HNRNPUL2: variants seen among roughly 807,000 people sequenced by gnomAD.
HNRNPUL2 encodes heterogeneous nuclear ribonucleoprotein U like 2.
Under a neutral mutation model 102.2 loss-of-function variants are expected in HNRNPUL2, and 27 were observed. The observed-to-expected ratio is 0.26, with a 90% CI of 0.19 to 0.36. The LOEUF (loss-of-function observed/expected upper bound fraction) is 0.36. Ranked by LOEUF, HNRNPUL2 falls within the 10% of genes least tolerant of loss-of-function variation. The pLI, the probability that HNRNPUL2 is intolerant of heterozygous loss-of-function variation, is 1.00. For synonymous variants in HNRNPUL2, 458 were observed against 387.2 expected (o/e 1.18, Z -2.15); for missense variants, 936 against 981.1 (o/e 0.95, Z 0.61).
Position 62,722,332 on chromosome 11 carries a change from C to CT in HNRNPUL2, c.1143dup (p.Asp382ArgfsTer56). 6.2e-7 allele frequency: 1 copy of CT among 1,613,942 alleles called. No individual in the cohort carries two copies. Among genetic ancestry groups the CT allele is most frequent in the Non-Finnish European group, 8.5e-7 (1 of 1,179,818 alleles). Reference sequence around the variant, plus strand: ...CTGATCCAGAATGCCACACCTAGGTCTTCTCCATTCTTGGAGAAGGAAAGT... The same window carrying CT: ...CTGATCCAGAATGCCACACCTAGGTCTTTCTCCATTCTTGGAGAAGGAAAGT... On this transcript the variant is annotated frameshift_variant, in exon 7 of 14. Transcript: ENST00000301785. LOFTEE classifies it high-confidence loss of function.
chr11:62,714,142 C>G lies in HNRNPUL2; in HGVS notation c.*1157G>C, dbSNP rs1272586835. The G allele has an allele frequency of 2.7e-5, 4 of 147,372 alleles. No homozygotes were observed. Among genetic ancestry groups the G allele is most frequent in the South Asian group, 2.3e-4 (1 of 4,384 alleles). The allele number at this position is 147,372 out of a possible 1,614,324, so 9.1% of individuals were successfully genotyped here. On this transcript the variant is annotated 3_prime_UTR_variant, in exon 14 of 14. Coordinates refer to ENST00000301785, the MANE Select transcript of HNRNPUL2 (RefSeq NM_001079559.3). ...GCCCCACTGAGCTGCCTCCCACCCC[C>G]CCCCACCACCCTCCCCTCTTCTATT...
intron 11 of HNRNPUL2, among the ~76,000 whole-genome samples, 155 bp downstream of exon 11, chr11:62,716,834 G>A (rs1448533971): frequency 6.6e-6 from 1 of 152,190 alleles, no homozygotes; most frequent in Admixed American, 6.5e-5. Flanking sequence ...AAAAGGCAGG[G>A]ATAAAGAACA....
In HNRNPUL2 at chr11:62,713,105, G is replaced by A. The variant is rs894359770; in HGVS notation, c.*2194C>T. Reference sequence around the variant, plus strand: ...CCTAGAAAAACAGTTTTGTAAAAAAGATTACTTTCTAGTGTCAAATATCAA... The same window carrying A: ...CCTAGAAAAACAGTTTTGTAAAAAAAATTACTTTCTAGTGTCAAATATCAA... On this transcript the variant is annotated 3_prime_UTR_variant, in exon 14 of 14. Coordinates refer to ENST00000301785, the MANE Select transcript of HNRNPUL2 (RefSeq NM_001079559.3). The A allele has an allele frequency of 6.6e-6, 1 of 152,144 alleles. No individual in the cohort carries two copies. Among genetic ancestry groups the A allele is most frequent in the Admixed American group, 6.5e-5 (1 of 15,270 alleles). The allele number at this position is 152,144 out of a possible 1,614,324, so 9.4% of individuals were successfully genotyped here.
Position 62,720,101 on chromosome 11 carries a change from C to T in HNRNPUL2, c.1702G>A (p.Asp568Asn). The T allele has an allele frequency of 6.2e-7, 1 of 1,614,234 alleles. No individual in the cohort carries two copies. The change falls in exon 10 of 14, where the codon GAT becomes AAT. Residue 568 changes from aspartate to asparagine, a missense_variant. Transcript: ENST00000301785. ...KVVVVVPNEE[D>N]WKKRLELRKE... Reference sequence around the variant, plus strand: ...CTCAACTCCAGCCTCTTCTTCCAATCTTCCTCATTAGGGACAACCACCACC... The same window carrying T: ...CTCAACTCCAGCCTCTTCTTCCAATTTTCCTCATTAGGGACAACCACCACC...
At chr11:62,718,140 T>C (rs1215593103) in intron 10 of HNRNPUL2, among the ~76,000 whole-genome samples, 2 of 151,936 alleles carry the variant, frequency 1.3e-5, no homozygotes, top group South Asian at 2.1e-4. Flanking sequence ...GGATTATCAG[T>C]ATTTGAAGAG....
intron 9 of HNRNPUL2, among the ~76,000 whole-genome samples, chr11:62,720,546 C>CAAAAAAAA (rs148876571): frequency 7.6e-6 from 1 of 131,518 alleles, no homozygotes; most frequent in Non-Finnish European, 1.6e-5. Flanking sequence ...GATTCCATCT[C>CAAAAAAAA]AAAAAAAAAA....
intron 11 of HNRNPUL2, among the ~76,000 whole-genome samples, chr11:62,716,679 G>A (rs1243219861): frequency 6.6e-6 from 1 of 152,158 alleles, no homozygotes; most frequent in East Asian, 1.9e-4. Flanking sequence ...GTGACACTGG[G>A]AACCCATATG....
rs1296784399 is a variant in HNRNPUL2, at chr11:62,723,698, G to A, written c.780C>T (p.Ser260=). 6 of 1,614,156 alleles carry A rather than the reference G, an allele frequency of 3.7e-6. No individual in the cohort carries two copies. Among genetic ancestry groups the A allele is most frequent in the Non-Finnish European group, 5.1e-6 (6 of 1,180,026 alleles). The change falls in exon 4 of 14, where the codon AGC becomes AGT. Residue 260 remains serine (S), a synonymous_variant. Transcript: ENST00000301785. ...GTGGCTGCCCTCCATAGCGGTCTTT[G>A]CTCACTTGAAAATGCAGATCCGAGG... The part of the protein sequence containing the change: ...TYTSDLHFQV[S]KDRYGGQPLF...
In HNRNPUL2 at chr11:62,724,276, G is replaced by T. The variant is rs755173581; in HGVS notation, c.674+15C>A. On this transcript the variant is annotated intron_variant, in intron 2 of 13. Coordinates refer to ENST00000301785, the MANE Select transcript of HNRNPUL2 (RefSeq NM_001079559.3). ...AGCAGACACTCCCTTCAACGAAAGG[G>T]ACTGTTTCCCTCACCGGCTGTGGTA... 6.2e-7 allele frequency: 1 copy of T among 1,613,950 alleles called. No homozygotes were observed. The highest frequency in any genetic ancestry group is 1.3e-5 in the African/African-American group (1 of 75,002).
At position 62,727,230 on chromosome 11, in the gene HNRNPUL2, G is replaced by GCCGCCGCCGCCGCCCGCCT; in HGVS notation, c.-93_-75dup. ...GTCGACCGAGTCCGACCGCGCAGGCGCCGCCGCCGCCGCCCGCCTCCGCCT... is the reference window on the plus strand; with the variant it reads ...GTCGACCGAGTCCGACCGCGCAGGCGCCGCCGCCGCCGCCCGCCTCCGCCGCCGCCGCCCGCCTCCGCCT... On this transcript the variant is annotated 5_prime_UTR_variant, in exon 1 of 14. Transcript: ENST00000301785. 7.9e-7 allele frequency: 1 copy of GCCGCCGCCGCCGCCCGCCT among 1,268,700 alleles called. No individual in the cohort carries two copies. The highest frequency in any genetic ancestry group is 1.0e-6 in the Non-Finnish European group (1 of 1,005,000). 78.6% of individuals were successfully genotyped at this position (1,268,700 alleles called of 1,614,324 possible). A position where few individuals can be genotyped will look rare whatever the true frequency, so the allele number is the denominator to read the frequency against.
rs562233352 is a variant in HNRNPUL2 at position 62,715,097 on chromosome 11, TAA to T, written c.*200_*201del. 7 of 552,994 alleles carry T rather than the reference TAA, an allele frequency of 1.3e-5. No homozygotes were observed. The highest frequency in any genetic ancestry group is 2.3e-5 in the Non-Finnish European group (7 of 310,568). The allele number at this position is 552,994 out of a possible 1,614,324, so 34.3% of individuals were successfully genotyped here. On this transcript the variant is annotated 3_prime_UTR_variant, in exon 14 of 14. Transcript: ENST00000301785. ...AGACAATATTCTTTTCAACAAACTT[TAA>T]AAAAAATGTACAGTTTTGTTGTTTG...
In HNRNPUL2 at chr11:62,726,905, C is replaced by G. The variant is rs747143789; in HGVS notation, c.252G>C (p.Glu84Asp). ...DEEEDEEEEEEDEEALLEDED... is the reference protein window; with the variant it reads ...DEEEDEEEEEDDEEALLEDED... ...CGTCCTCAAGCAGCGCCTCCTCGTC[C>G]TCCTCCTCCTCCTCTTCGTCCTCCT... Residue 84 changes from glutamate (E) to aspartate (D), a missense_variant, in exon 1 of 14, where the codon GAG (glutamate) becomes GAC (aspartate). Around this residue, in one of 2 missense-constraint regions of HNRNPUL2, gnomAD observed 327 missense variants for 268.1 expected, o/e 1.22. Coordinates refer to ENST00000301785, the MANE Select transcript of HNRNPUL2 (RefSeq NM_001079559.3). 2.0e-6 allele frequency: 3 copies of G among 1,507,326 alleles called. No individual in the cohort carries two copies. The highest frequency in any genetic ancestry group is 1.4e-5 in the African/African-American group (1 of 70,156). 93.4% of individuals were successfully genotyped at this position (1,507,326 alleles called of 1,614,324 possible). A position where few individuals can be genotyped will look rare whatever the true frequency, so the allele number is the denominator to read the frequency against.
intron 9 of HNRNPUL2, 22 bp downstream of exon 9, chr11:62,721,273 G>C (rs748962669): frequency 1.3e-6 from 2 of 1,593,264 alleles, no homozygotes; most frequent in Admixed American, 1.8e-5. Context: ...CTTGACTCTA[G>C]GCAATTTTAT....
At chr11:62,723,795 A>G in intron 3 of HNRNPUL2, 69 bp from the exon 4 acceptor site, 3 of 1,607,086 alleles carry the variant, frequency 1.9e-6, no homozygotes, top group Non-Finnish European at 2.6e-6. Flanking sequence ...GAGCATAAGT[A>G]TACCAGTTGT....
In HNRNPUL2 at chr11:62,715,233, T is replaced by C. The variant is rs1590893954; in HGVS notation, c.*66A>G. The C allele has an allele frequency of 1.7e-6, 2 of 1,178,736 alleles. No individual in the cohort carries two copies. The highest frequency in any genetic ancestry group is 6.8e-5 in the East Asian group (2 of 29,330). 73.0% of individuals were successfully genotyped at this position (1,178,736 alleles called of 1,614,324 possible). On this transcript the variant is annotated 3_prime_UTR_variant, in exon 14 of 14. Coordinates refer to ENST00000301785, the MANE Select transcript of HNRNPUL2 (RefSeq NM_001079559.3). ...AGCCCCTGTTTTCCTTGGTTGTGTT[T>C]TGCGGGGGTGCCTGGCACCCCCAGA...
rs1426223676 is a variant in HNRNPUL2 at position 62,726,989 on chromosome 11, G to A, written c.168C>T (p.Ala56=). The change falls in exon 1 of 14, where the codon GCC becomes GCT. Residue 56 remains alanine, a synonymous_variant. Coordinates refer to ENST00000301785, the MANE Select transcript of HNRNPUL2 (RefSeq NM_001079559.3). The stretch of plus-strand genomic sequence containing the variant: ...CCACAGGCCGAGGCTCCGCCTTGCA[G>A]GCCCCGCCGGGCCCGGCCCCGCCGC... ...AGGGGAGPGG[A]CKAEPRPVAA... The A allele has an allele frequency of 2.2e-6, 3 of 1,360,166 alleles. No homozygotes were observed. Among genetic ancestry groups the A allele is most frequent in the South Asian group, 1.7e-5 (1 of 57,312 alleles). 84.3% of individuals were successfully genotyped at this position (1,360,166 alleles called of 1,614,324 possible).
intron 1 of HNRNPUL2, 59 bp downstream of exon 1, chr11:62,726,560 G>A (rs2083749448): frequency 1.4e-6 from 2 of 1,451,052 alleles, no homozygotes; most frequent in Non-Finnish European, 9.1e-7. Flanking sequence ...GCAGGGCGGG[G>A]TGCTAGATCA....
chr11:62,717,945 C>T (rs904432043), intron 10 of HNRNPUL2, among the ~76,000 whole-genome samples: 2 of 152,178 alleles, frequency 1.3e-5, no homozygotes, highest in African/African-American at 4.8e-5. Context: ...GAAGCTGAGT[C>T]CCAGTGGAAA....
chr11:62,717,771 T>C (rs923412937), intron 10 of HNRNPUL2, among the ~76,000 whole-genome samples: 1 of 152,180 alleles, frequency 6.6e-6, no homozygotes, highest in Non-Finnish European at 1.5e-5. Context: ...GCCACTGCAC[T>C]CTGGCCTCGC....
Sources: allele counts gnomAD v4.1 joint callset (sites outside exome capture counted in the v4.1 genomes callset), GRCh38; gene constraint gnomAD v4.1.1; regional missense constraint gnomAD v4.1.1; transcripts MANE v1.5; gene names NCBI Gene and HGNC (gene_info 2026-07-23, HGNC 2026-07-21).